Variants in NDST4 observed in about 807,000 individuals in gnomAD.
The protein encoded by NDST4 is N-heparan sulfate sulfotransferase 4.
Under a neutral mutation model 100.8 loss-of-function variants are expected in NDST4, and 63 were observed. The observed-to-expected ratio is 0.62, with a 90% CI of 0.51 to 0.77. The LOEUF (loss-of-function observed/expected upper bound fraction) is 0.77, where lower values mean the gene tolerates loss of function less well. Ranked by LOEUF, NDST4 falls within the 30% of genes least tolerant of loss-of-function variation. The pLI, the probability that NDST4 is intolerant of heterozygous loss-of-function variation, is 0.00. For missense variants in NDST4, 943 were observed against 1,018.4 expected (o/e 0.93, Z 1.01); for synonymous variants, 377 against 361.8 (o/e 1.04, Z -0.48).
chr4:115,039,236 G>A (rs1728297076), intron 2 of NDST4, among the ~76,000 whole-genome samples: 2 of 152,104 alleles, frequency 1.3e-5, no homozygotes, highest in South Asian at 2.1e-4. Context: ...GAAACACCAA[G>A]AATAGAACAC....
At chr4:114,962,385 C>A (rs1174730964) in intron 4 of NDST4, among the ~76,000 whole-genome samples, 1 of 151,970 alleles carries the variant, frequency 6.6e-6, no homozygotes, top group Non-Finnish European at 1.5e-5. Flanking sequence ...TTGCACATGA[C>A]ATAATCTTAT....
chr4:114,970,359 C>T, intron 4 of NDST4, 71 bp downstream of exon 4: 11 of 1,345,610 alleles, frequency 8.2e-6, no homozygotes, highest in Non-Finnish European at 1.1e-5. Flanking sequence ...CAACCCAATA[C>T]ATTAATTTTA....
chr4:114,865,758 C>A (rs1000052190), intron 7 of NDST4, among the ~76,000 whole-genome samples: 2 of 152,142 alleles, frequency 1.3e-5, no homozygotes, highest in African/African-American at 4.8e-5. Context: ...TTGACAAGAA[C>A]ATGTTTGCAA....
intron 1 of NDST4, among the ~76,000 whole-genome samples, chr4:115,089,266 C>T (rs1479920875): frequency 6.6e-6 from 1 of 151,818 alleles, no homozygotes; most frequent in Non-Finnish European, 1.5e-5. Flanking sequence ...ATACACTCAT[C>T]AGGGAAGATT....
At chr4:115,005,735 A>G (rs920937428) in intron 2 of NDST4, among the ~76,000 whole-genome samples, 1 of 152,124 alleles carries the variant, frequency 6.6e-6, no homozygotes, top group Non-Finnish European at 1.5e-5. Flanking sequence ...GGTTGAGTAC[A>G]AGTTAGCTGG....
chr4:115,097,432 C>T (rs1189951195), intron 1 of NDST4, among the ~76,000 whole-genome samples: 1 of 152,054 alleles, frequency 6.6e-6, no homozygotes, highest in African/African-American at 2.4e-5. Context: ...CTCTCTTTCT[C>T]TCTATCTCTA....
intron 4 of NDST4, among the ~76,000 whole-genome samples, chr4:114,969,510 T>C (rs1726461502): frequency 6.6e-6 from 1 of 152,168 alleles, no homozygotes; most frequent in African/African-American, 2.4e-5. Context: ...TGTTCCCTTC[T>C]TTGTGTCCAT....
intron 1 of NDST4, among the ~76,000 whole-genome samples, chr4:115,086,241 C>T (rs192585774): frequency 8.4e-4 from 127 of 152,038 alleles, no homozygotes; most frequent in Middle Eastern, 3.4e-3. Context: ...TTTCAGCTTC[C>T]AGGCCAAAAA....
intron 2 of NDST4, among the ~76,000 whole-genome samples, chr4:115,025,359 A>C (rs187223937): frequency 2.6e-5 from 4 of 152,262 alleles, no homozygotes; most frequent in Admixed American, 2.0e-4. Context: ...TGACAATCTG[A>C]TCCTGTTTGA....
chr4:114,902,982 T>TAA (rs1724877650), intron 6 of NDST4, among the ~76,000 whole-genome samples: 1 of 152,112 alleles, frequency 6.6e-6, no homozygotes, highest in African/African-American at 2.4e-5. Flanking sequence ...TGCCTATATG[T>TAA]TCTTGCTTGC....
intron 4 of NDST4, among the ~76,000 whole-genome samples, chr4:114,946,527 A>AT (rs1349992029): frequency 6.6e-6 from 1 of 152,216 alleles, no homozygotes; most frequent in African/African-American, 2.4e-5. Context: ...GTTGTGACGG[A>AT]TTGAGCTATA....
At chr4:114,951,275 G>A (rs754581179) in intron 4 of NDST4, among the ~76,000 whole-genome samples, 1 of 151,904 alleles carries the variant, frequency 6.6e-6, no homozygotes, top group African/African-American at 2.4e-5. Context: ...TTCTTGGAAT[G>A]TTTGTTAAAA....
chr4:114,964,287 A>C (rs1000803915), intron 4 of NDST4, among the ~76,000 whole-genome samples: 3 of 152,180 alleles, frequency 2.0e-5, no homozygotes, highest in Non-Finnish European at 2.9e-5. Flanking sequence ...TCCACCCTCC[A>C]GTTGAGCCTT....
At chr4:114,960,719 G>C (rs867690463) in intron 4 of NDST4, among the ~76,000 whole-genome samples, 5 of 151,970 alleles carry the variant, frequency 3.3e-5, no homozygotes, top group Non-Finnish European at 5.9e-5. Context: ...TGTAAATGCA[G>C]TATATTTTTA....
At chr4:114,983,305 A>G (rs1726821139) in intron 2 of NDST4, among the ~76,000 whole-genome samples, 1 of 152,238 alleles carries the variant, frequency 6.6e-6, no homozygotes, top group African/African-American at 2.4e-5. Flanking sequence ...TCTCAATGCC[A>G]GCCTGTGAAA....
intron 6 of NDST4, among the ~76,000 whole-genome samples, chr4:114,926,124 A>G (rs1157743303): frequency 1.3e-5 from 2 of 152,170 alleles, no homozygotes; most frequent in Non-Finnish European, 2.9e-5. Flanking sequence ...ATGTGGCACC[A>G]GGGAAATACA....
At chr4:115,105,760 C>A (rs1300437360) in intron 1 of NDST4, among the ~76,000 whole-genome samples, 1 of 152,080 alleles carries the variant, frequency 6.6e-6, no homozygotes, top group Non-Finnish European at 1.5e-5. Flanking sequence ...TATTGTTTTA[C>A]CTGACATTGC....
intron 2 of NDST4, among the ~76,000 whole-genome samples, chr4:115,052,536 C>G (rs1217895195): frequency 6.6e-6 from 1 of 151,990 alleles, no homozygotes; most frequent in African/African-American, 2.4e-5. Context: ...GTTCTCCTGA[C>G]AGTAAATAGG....
chr4:115,056,054 T>C (rs115319075), intron 2 of NDST4, among the ~76,000 whole-genome samples: 1,700 of 152,210 alleles, frequency 0.011, 16 homozygotes, highest in African/African-American at 0.02. Flanking sequence ...TGCATTATGA[T>C]TATATTACAC....
Sources: allele counts gnomAD v4.1 joint callset (sites outside exome capture counted in the v4.1 genomes callset), GRCh38; gene constraint gnomAD v4.1.1; transcripts MANE v1.5; gene names NCBI Gene and HGNC (gene_info 2026-07-23, HGNC 2026-07-21).